Variants in MAML2 observed in about 807,000 individuals in gnomAD.
MAML2 encodes mastermind-like protein 2.
In MAML2, 22 loss-of-function variants were observed where a neutral mutation model predicts 96.1. That is an observed-to-expected ratio of 0.23 (90% confidence interval 0.16 to 0.33). The LOEUF (loss-of-function observed/expected upper bound fraction) is 0.33, where lower values mean the gene tolerates loss of function less well. MAML2 is among the 10% of genes least tolerant of loss of function. The probability of loss-of-function intolerance (pLI) is 1.00; values close to 1 mark genes in which losing one functional copy is unlikely to be tolerated. For synonymous variants in MAML2, 561 were observed against 521.3 expected (o/e 1.08, Z -1.04); for missense variants, 1,367 against 1,392.4 (o/e 0.98, Z 0.29).
At chr11:96,060,745 A>G (rs1427348410) in intron 2 of MAML2, among the ~76,000 whole-genome samples, 1 of 152,228 alleles carries the variant, frequency 6.6e-6, no homozygotes. Context: ...GTTCTTTGGC[A>G]ATAAAATCAC....
intron 2 of MAML2, among the ~76,000 whole-genome samples, chr11:96,071,560 A>G (rs1235736991): frequency 6.6e-6 from 1 of 152,210 alleles, no homozygotes; most frequent in African/African-American, 2.4e-5. Flanking sequence ...TACCTGGGGT[A>G]TAGTTGAGGG....
At chr11:96,306,017 G>C (rs575791652) in intron 1 of MAML2, among the ~76,000 whole-genome samples, 8 of 152,088 alleles carry the variant, frequency 5.3e-5, no homozygotes, top group Non-Finnish European at 1.2e-4. Context: ...CTTTCTTCTT[G>C]TTATGCTGCA....
intron 1 of MAML2, among the ~76,000 whole-genome samples, chr11:96,118,256 G>A (rs746145167): frequency 6.6e-6 from 1 of 152,116 alleles, no homozygotes; most frequent in Non-Finnish European, 1.5e-5. Flanking sequence ...CCAGCTATAC[G>A]GTTTGGCTCT....
chr11:96,259,017 T>A (rs1862710003), intron 1 of MAML2, among the ~76,000 whole-genome samples: 1 of 152,176 alleles, frequency 6.6e-6, no homozygotes. Flanking sequence ...ACACTAACTC[T>A]GTTCAGAACT....
Position 96,130,494 on chromosome 11 carries a change from C to A in MAML2, c.514-36977G>T, listed in dbSNP as rs191056872. On this transcript the variant is annotated intron_variant, in intron 1 of 4. Transcript: ENST00000524717. ...TGCCAAGCCATAATATGTACCATGG[C>A]TTGCTGTTTTAATCTTGAAGAAAGG... Among the ~76,000 whole-genome samples, 315 of 152,236 alleles carry A rather than the reference C, an allele frequency of 2.1e-3. 7 individuals carry two copies. Among genetic ancestry groups the A allele is most frequent in the Admixed American group, 0.018 (278 of 15,292 alleles).
chr11:95,981,513 C>T (rs78649502), intron 4 of MAML2, among the ~76,000 whole-genome samples: 1,965 of 152,224 alleles, frequency 0.013, 22 homozygotes, highest in Non-Finnish European at 0.021. Flanking sequence ...TGGGCTATCC[C>T]CTGCTGCTTA....
In MAML2 at chr11:95,991,659, G is replaced by A. The variant is rs267603257; in HGVS notation, c.2204C>T (p.Pro735Leu). Residue 735 changes from proline to leucine, a missense_variant, in exon 3 of 5, where the codon CCA (proline) becomes CTA (leucine). Transcript: ENST00000524717. ...PSPSPNPCSNPNTGSGYMNSQ... is the reference protein window; with the variant it reads ...PSPSPNPCSNLNTGSGYMNSQ... ...GTTCATGTAACCACTTCCAGTGTTT[G>A]GATTTGAGCAGGGGTTAGGACTTGG... 3 of 1,613,764 alleles carry A rather than the reference G, an allele frequency of 1.9e-6. No individual in the cohort carries two copies. Among genetic ancestry groups the A allele is most frequent in the Non-Finnish European group, 2.5e-6 (3 of 1,179,742 alleles).
intron 1 of MAML2, among the ~76,000 whole-genome samples, chr11:96,163,115 C>T (rs1009740126): frequency 5.9e-5 from 9 of 152,286 alleles, no homozygotes; most frequent in Non-Finnish European, 7.4e-5. Context: ...GGAGTGCACA[C>T]TATAAACGTT....
chr11:96,029,587 G>A (rs1457834922), intron 2 of MAML2, among the ~76,000 whole-genome samples: 3 of 152,128 alleles, frequency 2.0e-5, no homozygotes, highest in Non-Finnish European at 2.9e-5. Flanking sequence ...ACAGGGTAAC[G>A]GATGGTACTA....
chr11:96,001,180 A>G (rs1160136396), intron 2 of MAML2, among the ~76,000 whole-genome samples: 1 of 152,196 alleles, frequency 6.6e-6, no homozygotes, highest in Non-Finnish European at 1.5e-5. Flanking sequence ...AGTCACCAGG[A>G]CGCTGTGTCT....
At chr11:96,133,255 C>T (rs1444996346) in intron 1 of MAML2, among the ~76,000 whole-genome samples, 1 of 152,150 alleles carries the variant, frequency 6.6e-6, no homozygotes, top group Non-Finnish European at 1.5e-5. Context: ...ATTCCTGTGT[C>T]AGTGTTCTGC....
intron 1 of MAML2, among the ~76,000 whole-genome samples, chr11:96,093,969 T>C (rs1369113972): frequency 1.5e-5 from 2 of 136,656 alleles, no homozygotes; most frequent in Non-Finnish European, 1.6e-5. Flanking sequence ...AGTCTAAAGC[T>C]GGGAACAAAT....
At chr11:96,234,780 A>G (rs890587617) in intron 1 of MAML2, among the ~76,000 whole-genome samples, 62 of 152,172 alleles carry the variant, frequency 4.1e-4, no homozygotes, top group African/African-American at 1.5e-3. Context: ...ACTTAACTTC[A>G]TTTCCATTTT....
intron 1 of MAML2, among the ~76,000 whole-genome samples, chr11:96,181,168 G>A (rs1239719506): frequency 2.0e-5 from 3 of 152,186 alleles, no homozygotes; most frequent in Non-Finnish European, 2.9e-5. Context: ...GGGCGTATAC[G>A]TGCAAGTCAC....
At position 96,267,777 on chromosome 11, in the gene MAML2, G is replaced by A. The variant is rs547240968; in HGVS notation, c.513+73606C>T. Among the ~76,000 whole-genome samples, 40 of 152,302 alleles carry A rather than the reference G, an allele frequency of 2.6e-4. No individual in the cohort carries two copies. In the South Asian group the frequency reaches 8.1e-3, roughly 31 times the overall value. On this transcript the variant is annotated intron_variant, in intron 1 of 4. Transcript: ENST00000524717. Reference sequence around the variant, plus strand: ...AGACTGTGAGTAGAGTCTAATTATGGGAGGGCTGTCCCTCAAGCATGGTGG... The same window carrying A: ...AGACTGTGAGTAGAGTCTAATTATGAGAGGGCTGTCCCTCAAGCATGGTGG...
chr11:96,024,201 A>T (rs1320599458), intron 2 of MAML2, among the ~76,000 whole-genome samples: 6 of 152,246 alleles, frequency 3.9e-5, no homozygotes, highest in Admixed American at 2.6e-4. Flanking sequence ...GAAATGAAAG[A>T]GTTGCGATAG....
intron 1 of MAML2, among the ~76,000 whole-genome samples, chr11:96,258,802 T>C (rs780355895): frequency 1.0e-4 from 16 of 152,382 alleles, no homozygotes; most frequent in Non-Finnish European, 2.4e-4. Flanking sequence ...AGTCAGCCAG[T>C]AAGACTATGA....
intron 1 of MAML2, among the ~76,000 whole-genome samples, chr11:96,202,621 C>T (rs955880473): frequency 2.0e-5 from 3 of 151,672 alleles, no homozygotes; most frequent in Admixed American, 2.0e-4. Flanking sequence ...TGCTGTGTTC[C>T]AGATGAAATT....
chr11:96,332,657 G>A (rs1591137164), intron 1 of MAML2, among the ~76,000 whole-genome samples: 1 of 152,180 alleles, frequency 6.6e-6, no homozygotes, highest in African/African-American at 2.4e-5. Flanking sequence ...CACATACTTT[G>A]TGCTGTCTGA....
Sources: allele counts gnomAD v4.1 joint callset (sites outside exome capture counted in the v4.1 genomes callset), GRCh38; gene constraint gnomAD v4.1.1; transcripts MANE v1.5; gene names NCBI Gene and HGNC (gene_info 2026-07-23, HGNC 2026-07-21).